Variants in PHKA2 observed in about 807,000 individuals in gnomAD.
PHKA2 encodes phosphorylase b kinase regulatory subunit alpha, liver isoform.
Under a neutral mutation model 102.0 loss-of-function variants are expected in PHKA2, and 31 were observed. That is an observed-to-expected ratio of 0.30 (90% CI 0.23 to 0.41). The LOEUF is 0.41. Ranked by LOEUF, PHKA2 falls within the 10% of genes least tolerant of loss-of-function variation. PHKA2 has a pLI of 1.00. For missense variants in PHKA2, 858 were observed against 1,023.1 expected (o/e 0.84, Z 2.20); for synonymous variants, 455 against 416.2 (o/e 1.09, Z -1.13).
chrX:18,923,378 G>A (rs1028522531), intron 17 of PHKA2, among the ~76,000 whole-genome samples: 1 of 111,570 alleles, frequency 9.0e-6, no homozygotes, highest in Non-Finnish European at 1.9e-5. Flanking sequence ...ATATCCTAGG[G>A]GATGGAAGAA....
At chrX:18,905,226 C>T (rs1367786413) in intron 26 of PHKA2, among the ~76,000 whole-genome samples, 6 of 112,376 alleles carry the variant, frequency 5.3e-5, no homozygotes, top group Admixed American at 2.8e-4. Context: ...CAGGCTGGAG[C>T]GCAGTGGCGC....
At chrX:18,926,613 G>C in intron 13 of PHKA2, 26 bp from the exon 14 acceptor site, 1 of 1,193,706 alleles carries the variant, frequency 8.4e-7, no homozygotes, top group Non-Finnish European at 1.1e-6. Flanking sequence ...CAGAATGAGC[G>C]TTAGCTCATG....
chrX:18,959,054 A>G (rs2048827439), intron 1 of PHKA2, among the ~76,000 whole-genome samples: 1 of 111,722 alleles, frequency 9.0e-6, no homozygotes, highest in South Asian at 3.7e-4. Flanking sequence ...TCTACCTACA[A>G]AGAAAGACAA....
intron 26 of PHKA2, among the ~76,000 whole-genome samples, chrX:18,905,213 G>A (rs962455249): frequency 8.0e-5 from 9 of 112,108 alleles, no homozygotes; most frequent in African/African-American, 2.9e-4. Context: ...TTGCTCTGTC[G>A]CCCAGGCTGG....
chrX:18,917,494 A>G (rs1381468388), intron 19 of PHKA2, among the ~76,000 whole-genome samples: 1 of 110,461 alleles, frequency 9.1e-6, no homozygotes, highest in Non-Finnish European at 1.9e-5. Flanking sequence ...CCTGGCCTCA[A>G]GTGATCCGCC....
chrX:18,906,679 G>A (rs1569297528), intron 24 of PHKA2, 55 bp from the exon 25 acceptor site: 7 of 1,175,705 alleles, frequency 6.0e-6, no homozygotes, highest in East Asian at 6.0e-5. Flanking sequence ...GTGGCTGAAG[G>A]GTCCCCTCCA....
chrX:18,901,830 C>T (rs1305052818), intron 26 of PHKA2, among the ~76,000 whole-genome samples: 2 of 109,676 alleles, frequency 1.8e-5, no homozygotes, highest in East Asian at 5.8e-4. Flanking sequence ...CAGGAAGCCC[C>T]GACACAGTGA....
At chrX:18,894,686 C>T in intron 31 of PHKA2, 2 of 421,214 alleles carry the variant, frequency 4.7e-6, no homozygotes, top group Non-Finnish European at 8.3e-6. Flanking sequence ...GTTTCTCTTT[C>T]CTCTTCATTA....
intron 19 of PHKA2, among the ~76,000 whole-genome samples, chrX:18,914,005 C>G (rs988934413): frequency 8.9e-6 from 1 of 112,534 alleles, no homozygotes; most frequent in Non-Finnish European, 1.9e-5. Flanking sequence ...AAGGAGTACA[C>G]TCTAAATACG....
At position 18,954,152 on chromosome X, in the gene PHKA2, T is replaced by C. The variant is rs2048740594; in HGVS notation, c.237+102A>G. 3 of 853,014 alleles carry C rather than the reference T, an allele frequency of 3.5e-6. No homozygotes were observed. In the Admixed American group the frequency reaches 6.7e-5, roughly 19 times the overall value. 70.3% of individuals were successfully genotyped at this position (853,014 alleles called of 1,213,427 possible). On this transcript the variant is annotated intron_variant, in intron 2 of 32. Transcript: ENST00000379942. ...CTATAGCAGAAATAGAGGAGAGGCC[T>C]ACACCCAAACAGTTCTGCACACACA... is the stretch of plus-strand genomic sequence containing the variant.
At chrX:18,951,076 A>T in intron 4 of PHKA2, 28 bp downstream of exon 4, 1 of 1,205,891 alleles carries the variant, frequency 8.3e-7, no homozygotes, top group Non-Finnish European at 1.1e-6. Flanking sequence ...CACTCCTTAT[A>T]CAATGGGCTC....
In PHKA2 at chrX:18,929,256, A is replaced by C; in HGVS notation, c.1296T>G (p.Thr432=). The C allele has an allele frequency of 8.5e-7, 1 of 1,172,581 alleles. No homozygotes were observed. The highest frequency in any genetic ancestry group is 1.1e-6 in the Non-Finnish European group (1 of 870,369). ...GTACTACAACATCAGGTTTGACTGA[A>C]GTGGAAAATCTTCTATTTAAGGGAT... ...EIDPLNRRFS[T]SVKPDVVVQV... Residue 432 remains threonine (T), a synonymous_variant, in exon 13 of 33, where the codon ACT becomes ACG. Transcript: ENST00000379942.
At chrX:18,913,795 C>T (rs1363441039) in intron 19 of PHKA2, among the ~76,000 whole-genome samples, 2 of 111,770 alleles carry the variant, frequency 1.8e-5, no homozygotes, top group Non-Finnish European at 3.8e-5. Context: ...AATGAAAACA[C>T]AAACACACAC....
chrX:18,946,712 A>G, intron 5 of PHKA2, among the ~76,000 whole-genome samples: 1 of 110,051 alleles, frequency 9.1e-6, no homozygotes, highest in Non-Finnish European at 1.9e-5. Flanking sequence ...CCTGCACCCA[A>G]ACTCCCTATC....
At chrX:18,898,955 G>A (rs931053647) in intron 29 of PHKA2, among the ~76,000 whole-genome samples, 1 of 112,483 alleles carries the variant, frequency 8.9e-6, no homozygotes, top group East Asian at 2.8e-4. Flanking sequence ...AGCACAGGCA[G>A]AGAACTGAGA....
chrX:18,934,098 G>A (rs957031442), intron 11 of PHKA2, among the ~76,000 whole-genome samples: 1 of 111,707 alleles, frequency 9.0e-6, no homozygotes, highest in Non-Finnish European at 1.9e-5. Flanking sequence ...CGGTTTTCCC[G>A]AATGCCTCAG....
Position 18,941,596 on chromosome X carries a change from G to A in PHKA2, c.797C>T (p.Pro266Leu), listed in dbSNP as rs2048489217. The A allele has an allele frequency of 8.4e-7, 1 of 1,186,003 alleles. No homozygotes were observed. The highest frequency in any genetic ancestry group is 1.1e-6 in the Non-Finnish European group (1 of 872,847). ...GTTTACATCTTCCACTGCAAAGGCCGGGAAGGAAATAATGGAAAGAAGTCC... is the reference window on the plus strand; with the variant it reads ...GTTTACATCTTCCACTGCAAAGGCCAGGAAGGAAATAATGGAAAGAAGTCC... ...DAGLLSIISF[P>L]AFAVEDVNLV... Residue 266 changes from proline (P) to leucine (L), a missense_variant, in exon 8 of 33, where the codon CCG (proline) becomes CTG (leucine). Physicochemically the swap from Pro to Leu is moderately conservative, Grantham distance 98. Around this residue, in one of 2 missense-constraint regions of PHKA2, gnomAD observed 187 missense variants for 277.9 expected, o/e 0.67. Coordinates refer to ENST00000379942, the MANE Select transcript of PHKA2 (RefSeq NM_000292.3).
Position 18,909,239 on chromosome X carries a change from T to C in PHKA2, c.2227-305A>G, listed in dbSNP as rs781568945. On this transcript the variant is annotated intron_variant, in intron 20 of 32. Transcript: ENST00000379942. ...TAGGAATCATGACAGCAGTTATCTC[T>C]GGACCAGAAAAGGAGAAAGAGATGG... Among the ~76,000 whole-genome samples, 110 of 112,030 alleles carry C rather than the reference T, an allele frequency of 9.8e-4. 1 individual carries two copies. The highest frequency in any genetic ancestry group is 3.4e-3 in the African/African-American group (105 of 30,879).
chrX:18,938,668 A>G lies in PHKA2; in HGVS notation c.1000T>C (p.Tyr334His). The G allele has an allele frequency of 8.3e-7, 1 of 1,205,251 alleles. No homozygotes were observed. ...IECEWPVFWT[Y>H]FIIDGVFSGD... is the part of the protein sequence containing the mutation. ...CTGAAGACTCCATCTATTATAAAATATGTCCAAAACACAGGCCACTCACAT... is the reference window on the plus strand; with the variant it reads ...CTGAAGACTCCATCTATTATAAAATGTGTCCAAAACACAGGCCACTCACAT... The change falls in exon 10 of 33, where the codon TAT becomes CAT. Residue 334 changes from tyrosine (Y) to histidine (H), a missense_variant. By Grantham distance (83) the Tyr-to-His change is moderately conservative. Around this residue, in one of 2 missense-constraint regions of PHKA2, gnomAD observed 671 missense variants for 745.2 expected, o/e 0.90. Coordinates refer to ENST00000379942, the MANE Select transcript of PHKA2 (RefSeq NM_000292.3).
Sources: allele counts gnomAD v4.1 joint callset (sites outside exome capture counted in the v4.1 genomes callset), GRCh38; gene constraint gnomAD v4.1.1; regional missense constraint gnomAD v4.1.1; transcripts MANE v1.5; gene names NCBI Gene and HGNC (gene_info 2026-07-23, HGNC 2026-07-21).